The following SHC3 variants were observed in gnomAD, a reference collection of about 807,000 sequenced individuals.
The protein encoded by SHC3 is SHC adaptor protein 3.
Under a neutral mutation model 60.4 loss-of-function variants are expected in SHC3, and 15 were observed. That is an observed-to-expected ratio of 0.25 (90% CI 0.17 to 0.38). The LOEUF is 0.38. Ranked by LOEUF, SHC3 falls within the 10% of genes least tolerant of loss-of-function variation. The pLI is 1.00. For synonymous variants in SHC3, 294 were observed against 325.9 expected (o/e 0.90, Z 1.05); for missense variants, 677 against 786.1 (o/e 0.86, Z 1.66).
chr9:89,024,725 T>G (rs530541788), intron 11 of SHC3, among the ~76,000 whole-genome samples: 1 of 152,356 alleles, frequency 6.6e-6, no homozygotes, highest in East Asian at 1.9e-4. Context: ...CTGCACAGTT[T>G]AACCTTACAC....
At chr9:89,074,850 C>A (rs537697110) in intron 4 of SHC3, among the ~76,000 whole-genome samples, 1 of 151,366 alleles carries the variant, frequency 6.6e-6, no homozygotes, top group African/African-American at 2.4e-5. Context: ...GCACACACAT[C>A]ATTTTTTTTT....
At chr9:89,069,728 G>A (rs1415807156) in intron 5 of SHC3, among the ~76,000 whole-genome samples, 1 of 152,240 alleles carries the variant, frequency 6.6e-6, no homozygotes, top group Non-Finnish European at 1.5e-5. Flanking sequence ...CAGGAGTGAT[G>A]CCCAGAATGG....
chr9:89,109,488 T>C, intron 2 of SHC3: 1 of 985,532 alleles, frequency 1.0e-6, no homozygotes, highest in Non-Finnish European at 1.2e-6. Context: ...ACCTTGGACT[T>C]TTGTTTTCTG....
intron 2 of SHC3, among the ~76,000 whole-genome samples, chr9:89,092,615 CAAAA>C (rs59133401): frequency 3.1e-4 from 21 of 67,838 alleles, no homozygotes; most frequent in African/African-American, 5.9e-4. Flanking sequence ...GACTCTGTCT[CAAAA>C]AAAAAAAAAA....
rs775572196 is a variant in SHC3 at position 89,046,858 on chromosome 9, G to A, written c.1099C>T (p.Pro367Ser). The change falls in exon 8 of 12, where the codon CCT becomes TCT. Residue 367 changes from proline (P) to serine (S), a missense_variant. Transcript: ENST00000375835. Reference sequence around the variant, plus strand: ...ATAAGACTTACCTGGGCTGTGTCAGGAGCATGGGGTCTGGGTTTCAGTCTA... The same window carrying A: ...ATAAGACTTACCTGGGCTGTGTCAGAAGCATGGGGTCTGGGTTTCAGTCTA... ...DTRLKPRPHA[P>S]DTAQFAGKEQ... is the part of the protein sequence containing the mutation. 1.2e-6 allele frequency: 2 copies of A among 1,603,012 alleles called. No individual in the cohort carries two copies. Among genetic ancestry groups the A allele is most frequent in the Non-Finnish European group, 1.7e-6 (2 of 1,175,412 alleles).
At chr9:89,088,060 C>G (rs956954362) in intron 2 of SHC3, among the ~76,000 whole-genome samples, 2 of 152,146 alleles carry the variant, frequency 1.3e-5, no homozygotes, top group African/African-American at 4.8e-5. Context: ...TTTCCTGACC[C>G]AGGAGAGATT....
At chr9:89,072,291 C>T (rs1261765898) in intron 4 of SHC3, among the ~76,000 whole-genome samples, 2 of 152,162 alleles carry the variant, frequency 1.3e-5, no homozygotes, top group Admixed American at 1.3e-4. Flanking sequence ...CACCCCGAGG[C>T]CAGGGTCTTA....
At chr9:89,032,912 T>C (rs1824514266) in intron 11 of SHC3, among the ~76,000 whole-genome samples, 2 of 152,184 alleles carry the variant, frequency 1.3e-5, no homozygotes, top group South Asian at 2.1e-4. Context: ...ACAGCAAGAA[T>C]GTGATGTTAC....
chr9:89,076,480 G>A (rs1825360230), intron 3 of SHC3, among the ~76,000 whole-genome samples: 1 of 152,178 alleles, frequency 6.6e-6, no homozygotes, highest in South Asian at 2.1e-4. Flanking sequence ...TTCAGGTTAG[G>A]CATAGAAAAG....
chr9:89,112,733 C>T, intron 1 of SHC3, 107 bp from the exon 2 acceptor site: 1 of 909,590 alleles, frequency 1.1e-6, no homozygotes, highest in Non-Finnish European at 1.6e-6. Context: ...TCTTAAATCA[C>T]ATTTTAACTT....
chr9:89,030,160 GT>G (rs1824459521), intron 11 of SHC3, among the ~76,000 whole-genome samples: 2 of 152,090 alleles, frequency 1.3e-5, no homozygotes, highest in South Asian at 4.1e-4. Flanking sequence ...TTAATAAAAG[GT>G]ATATCCATCA....
intron 2 of SHC3, among the ~76,000 whole-genome samples, chr9:89,085,874 C>A (rs112780487): frequency 1.3e-5 from 2 of 152,200 alleles, no homozygotes; most frequent in African/African-American, 4.8e-5. Context: ...AGCAGCCACA[C>A]GAGTTCCTTC....
At chr9:89,154,110 G>T (rs1408189970) in intron 1 of SHC3, among the ~76,000 whole-genome samples, 2 of 152,132 alleles carry the variant, frequency 1.3e-5, no homozygotes, top group African/African-American at 4.8e-5. Flanking sequence ...GGCCCAGGAT[G>T]GCTTGGAATA....
chr9:89,115,134 C>T (rs1471726677), intron 1 of SHC3, among the ~76,000 whole-genome samples: 1 of 152,192 alleles, frequency 6.6e-6, no homozygotes, highest in Admixed American at 6.5e-5. Flanking sequence ...AACTTCACAG[C>T]ATATACGAAT....
At chr9:89,157,852 C>A (rs1826647964) in intron 1 of SHC3, among the ~76,000 whole-genome samples, 1 of 152,032 alleles carries the variant, frequency 6.6e-6, no homozygotes, top group African/African-American at 2.4e-5. Context: ...AAACTCTGAG[C>A]CTCAAGTGAC....
chr9:89,013,405 C>T lies in SHC3; in HGVS notation c.*42G>A, dbSNP rs1826039630. 1.3e-6 allele frequency: 2 copies of T among 1,486,056 alleles called. No individual in the cohort carries two copies. The highest frequency in any genetic ancestry group is 2.8e-5 in the African/African-American group (2 of 70,288). 92.1% of individuals were successfully genotyped at this position (1,486,056 alleles called of 1,614,324 possible). A position where few individuals can be genotyped will look rare whatever the true frequency, so the allele number is the denominator to read the frequency against. On this transcript the variant is annotated 3_prime_UTR_variant, in exon 12 of 12. Transcript: ENST00000375835. ...CCCCGATTCTAGTCCACTCCAGGTCCTCCTGACCTGGTGCGCAGTGCTGGG... is the reference window on the plus strand; with the variant it reads ...CCCCGATTCTAGTCCACTCCAGGTCTTCCTGACCTGGTGCGCAGTGCTGGG...
intron 2 of SHC3, among the ~76,000 whole-genome samples, chr9:89,088,222 C>T (rs919761997): frequency 1.4e-4 from 21 of 152,180 alleles, no homozygotes; most frequent in African/African-American, 5.1e-4. Flanking sequence ...TCATTTGATT[C>T]CAGGTCTTTA....
intron 2 of SHC3, among the ~76,000 whole-genome samples, chr9:89,093,600 AG>A (rs1564137604): frequency 1.3e-5 from 2 of 151,928 alleles, no homozygotes; most frequent in African/African-American, 2.4e-5. Flanking sequence ...TTCATAACAA[AG>A]GAAATTAAAC....
At chr9:89,062,843 A>T (rs1335048869) in intron 6 of SHC3, among the ~76,000 whole-genome samples, 1 of 152,158 alleles carries the variant, frequency 6.6e-6, no homozygotes, top group East Asian at 1.9e-4. Flanking sequence ...GGCATAGGGG[A>T]GGAAGAAAGA....
Sources: allele counts gnomAD v4.1 joint callset (sites outside exome capture counted in the v4.1 genomes callset), GRCh38; gene constraint gnomAD v4.1.1; transcripts MANE v1.5; gene names NCBI Gene and HGNC (gene_info 2026-07-23, HGNC 2026-07-21).